DOCK1: variants seen among roughly 807,000 people sequenced by gnomAD.
DOCK1 encodes the protein dedicator of cytokinesis protein 1.
In DOCK1, 138 loss-of-function variants were observed where a neutral mutation model predicts 262.7. The observed-to-expected ratio is 0.53, with a 90% CI of 0.46 to 0.61. DOCK1 has a LOEUF of 0.61. Ranked by LOEUF, DOCK1 falls within the 20% of genes least tolerant of loss-of-function variation. The pLI is 0.00. For synonymous variants in DOCK1, 866 were observed against 867.4 expected (o/e 1.00, Z 0.03); for missense variants, 1,908 against 2,370.7 (o/e 0.80, Z 4.05).
intron 38 of DOCK1, among the ~76,000 whole-genome samples, chr10:127,401,226 T>C (rs74979607): frequency 0.011 from 1,618 of 152,190 alleles, 32 homozygotes; most frequent in African/African-American, 0.037. Context: ...TTGGGGAGAT[T>C]GATTTGAGTA....
At chr10:127,022,164 A>G (rs1206337982) in intron 13 of DOCK1, among the ~76,000 whole-genome samples, 1 of 151,382 alleles carries the variant, frequency 6.6e-6, no homozygotes, top group Non-Finnish European at 1.5e-5. Flanking sequence ...TTAAAAGCCC[A>G]TCTCACTTTA....
At chr10:127,043,963 G>A (rs756197855) in intron 21 of DOCK1, among the ~76,000 whole-genome samples, 1 of 152,084 alleles carries the variant, frequency 6.6e-6, no homozygotes, top group Non-Finnish European at 1.5e-5. Flanking sequence ...AAAGCACTAA[G>A]CAATTATTGG....
chr10:127,341,815 T>C (rs2063440788), intron 30 of DOCK1, among the ~76,000 whole-genome samples: 1 of 152,168 alleles, frequency 6.6e-6, no homozygotes, highest in Non-Finnish European at 1.5e-5. Context: ...CACACATATT[T>C]ATTGTTGTTT....
chr10:127,417,163 A>G (rs1471506232), intron 44 of DOCK1, among the ~76,000 whole-genome samples: 8 of 152,228 alleles, frequency 5.3e-5, no homozygotes, highest in Admixed American at 1.3e-4. Flanking sequence ...GCTCTTGGGC[A>G]TGGGTGGGGG....
intron 50 of DOCK1, among the ~76,000 whole-genome samples, chr10:127,447,114 T>G (rs939132873): frequency 6.6e-6 from 1 of 152,144 alleles, no homozygotes; most frequent in African/African-American, 2.4e-5. Flanking sequence ...GGGGTGAACA[T>G]CACCCTTTCT....
At chr10:127,433,223 T>G in intron 47 of DOCK1, 60 bp from the exon 48 acceptor site, 1 of 1,593,664 alleles carries the variant, frequency 6.3e-7, no homozygotes, top group Non-Finnish European at 8.6e-7. Flanking sequence ...ATCTCAGGAG[T>G]CTGACCATGG....
intron 29 of DOCK1, among the ~76,000 whole-genome samples, chr10:127,270,862 T>C (rs765064969): frequency 6.6e-6 from 1 of 152,220 alleles, no homozygotes; most frequent in Non-Finnish European, 1.5e-5. Flanking sequence ...TGTAGTGAGA[T>C]TGTGTTAAAC....
At chr10:127,385,794 A>T (rs1590821141) in intron 38 of DOCK1, among the ~76,000 whole-genome samples, 1 of 152,120 alleles carries the variant, frequency 6.6e-6, no homozygotes, top group Non-Finnish European at 1.5e-5. Flanking sequence ...GGCACTGGTC[A>T]TCTGTAACCA....
intron 29 of DOCK1, among the ~76,000 whole-genome samples, chr10:127,304,215 A>C (rs2061793377): frequency 6.6e-6 from 1 of 152,200 alleles, no homozygotes; most frequent in South Asian, 2.1e-4. Flanking sequence ...GCTGCGGAGC[A>C]GTCGGGGAAC....
intron 29 of DOCK1, among the ~76,000 whole-genome samples, chr10:127,312,171 A>C (rs536982811): frequency 6.6e-6 from 1 of 152,314 alleles, no homozygotes; most frequent in Admixed American, 6.5e-5. Flanking sequence ...GAGCTGCCTA[A>C]GGCAGACCCA....
chr10:127,169,310 C>T (rs78125021), intron 27 of DOCK1, among the ~76,000 whole-genome samples: 6 of 152,266 alleles, frequency 3.9e-5, no homozygotes, highest in East Asian at 1.9e-4. Context: ...AGGCTGGGCC[C>T]GAATTCCTTT....
intron 27 of DOCK1, among the ~76,000 whole-genome samples, chr10:127,133,239 A>G (rs1053340765): frequency 3.3e-5 from 5 of 152,196 alleles, no homozygotes; most frequent in African/African-American, 1.2e-4. Flanking sequence ...CCCAGTGAAT[A>G]GTGCCTTTTA....
chr10:127,360,737 A>G (rs1489632507), intron 32 of DOCK1, among the ~76,000 whole-genome samples: 1 of 152,068 alleles, frequency 6.6e-6, no homozygotes, highest in Non-Finnish European at 1.5e-5. Context: ...GTGCCATGCA[A>G]AGATCCTGAG....
rs373245783 is a variant in DOCK1, at chr10:127,409,150, C to T, written c.4236C>T (p.Gly1412=). Residue 1412 remains glycine, a synonymous_variant, in exon 41 of 52, where the codon GGC becomes GGT. Transcript: ENST00000623213. ...AAATGAAGACAACATCTCCACCAGG[C>T]GACGATATTAAAAACTCTCCTGGCC... is the stretch of plus-strand genomic sequence containing the variant. The part of the protein sequence containing the change: ...AEKMKTTSPP[G]DDIKNSPGQY... 20 of 1,612,956 alleles carry T rather than the reference C, an allele frequency of 1.2e-5. No homozygotes were observed. The highest frequency in any genetic ancestry group is 2.2e-5 in the East Asian group (1 of 44,858).
chr10:127,277,982 G>A (rs1185534852), intron 29 of DOCK1, among the ~76,000 whole-genome samples: 2 of 152,096 alleles, frequency 1.3e-5, no homozygotes, highest in African/African-American at 4.8e-5. Flanking sequence ...TATAATAACA[G>A]ATTTATTTGG....
chr10:127,292,247 T>C (rs983835782), intron 29 of DOCK1, among the ~76,000 whole-genome samples: 1 of 152,130 alleles, frequency 6.6e-6, no homozygotes, highest in African/African-American at 2.4e-5. Flanking sequence ...CCCACTTCTA[T>C]CTGAAAATGC....
At chr10:127,430,703 G>T (rs1036823690) in intron 47 of DOCK1, among the ~76,000 whole-genome samples, 4 of 150,274 alleles carry the variant, frequency 2.7e-5, no homozygotes, top group African/African-American at 9.8e-5. Context: ...CATCTGGAAA[G>T]GGACATTCCA....
chr10:127,061,817 T>G, intron 23 of DOCK1, 41 bp downstream of exon 23: 1 of 1,476,906 alleles, frequency 6.8e-7, no homozygotes, highest in Non-Finnish European at 9.2e-7. Context: ...CTCCTTCTTT[T>G]TTTCTTTCAT....
intron 3 of DOCK1, among the ~76,000 whole-genome samples, chr10:126,980,879 C>G (rs1224662077): frequency 1.3e-5 from 2 of 151,870 alleles, no homozygotes; most frequent in African/African-American, 4.8e-5. Flanking sequence ...CCCGTTGCCT[C>G]TTTTCTTACC....
Sources: allele counts gnomAD v4.1 joint callset (sites outside exome capture counted in the v4.1 genomes callset), GRCh38; gene constraint gnomAD v4.1.1; transcripts MANE v1.5; gene names NCBI Gene and HGNC (gene_info 2026-07-23, HGNC 2026-07-21).